MECOM: variants seen among roughly 807,000 people sequenced by gnomAD.
MECOM encodes the protein MDS1 and EVI1 complex locus, also known as histone-lysine N-methyltransferase MECOM.
Under a neutral mutation model 116.3 loss-of-function variants are expected in MECOM, and 13 were observed. The observed-to-expected ratio is 0.11, with a 90% confidence interval of 0.07 to 0.18. MECOM has a LOEUF of 0.18. Ranked by LOEUF, MECOM falls within the 10% of genes least tolerant of loss-of-function variation. The probability of loss-of-function intolerance (pLI) is 1.00; values close to 1 mark genes in which losing one functional copy is unlikely to be tolerated. For missense variants in MECOM, 1,299 were observed against 1,509.0 expected (o/e 0.86, Z 2.31); for synonymous variants, 528 against 535.2 (o/e 0.99, Z 0.19).
At chr3:169,534,033 T>C (rs1310931769) in intron 1 of MECOM, among the ~76,000 whole-genome samples, 1 of 152,174 alleles carries the variant, frequency 6.6e-6, no homozygotes, top group African/African-American at 2.4e-5. Context: ...CCAATGCAAA[T>C]CAAAAACCAA....
chr3:169,575,632 C>T (rs548125704), intron 1 of MECOM, among the ~76,000 whole-genome samples: 1 of 152,290 alleles, frequency 6.6e-6, no homozygotes, highest in South Asian at 2.1e-4. Flanking sequence ...AGGCTTTTGG[C>T]ACAAGGCAGA....
intron 2 of MECOM, among the ~76,000 whole-genome samples, chr3:169,326,938 A>T (rs1017053242): frequency 1.2e-4 from 19 of 152,326 alleles, no homozygotes; most frequent in African/African-American, 4.1e-4. Context: ...AAATTAGATG[A>T]GCTTCTGGAA....
chr3:169,529,399 A>G (rs1758323994), intron 1 of MECOM, among the ~76,000 whole-genome samples: 1 of 152,248 alleles, frequency 6.6e-6, no homozygotes, highest in South Asian at 2.1e-4. Flanking sequence ...AGCAAACTGC[A>G]TCCATGAAAA....
At chr3:169,580,009 G>A (rs76748403) in intron 1 of MECOM, among the ~76,000 whole-genome samples, 9,991 of 152,182 alleles carry the variant, frequency 0.066, 709 homozygotes, top group African/African-American at 0.18. Context: ...CCCATTGTGA[G>A]CAACTCGTCA....
At chr3:169,144,991 A>T (rs764157827) in intron 2 of MECOM, 1 of 1,562,938 alleles carries the variant, frequency 6.4e-7, no homozygotes, top group Non-Finnish European at 8.7e-7. Context: ...CAAGTCATTA[A>T]CTCACCATAT....
chr3:169,464,862 T>C (rs532548195), intron 1 of MECOM, among the ~76,000 whole-genome samples: 2 of 152,246 alleles, frequency 1.3e-5, no homozygotes, highest in South Asian at 4.1e-4. Flanking sequence ...TACTAAGAAA[T>C]TAAATTAAAC....
intron 1 of MECOM, among the ~76,000 whole-genome samples, chr3:169,567,042 C>T (rs932282789): frequency 1.3e-5 from 2 of 152,180 alleles, no homozygotes; most frequent in African/African-American, 2.4e-5. Flanking sequence ...AGTGTGTTGA[C>T]GATGGTTTAT....
At position 169,083,550 on chromosome 3, in the gene MECOM, A is replaced by G. The variant is rs1341767150; in HGVS notation, c.*1359T>C. 5.4e-6 allele frequency: 1 copy of G among 185,264 alleles called. No homozygotes were observed. Among genetic ancestry groups the G allele is most frequent in the Non-Finnish European group, 1.1e-5 (1 of 87,088 alleles). The allele number at this position is 185,264 out of a possible 1,614,324, so 11.5% of individuals were successfully genotyped here. A position where few individuals can be genotyped will look rare whatever the true frequency, so the allele number is the denominator to read the frequency against. Reference sequence around the variant, plus strand: ...ATTTTTTAGTTGCTCCTCCCATAGTAATGCACTGAAAGGCATAACAGTTTA... The same window carrying G: ...ATTTTTTAGTTGCTCCTCCCATAGTGATGCACTGAAAGGCATAACAGTTTA... On this transcript the variant is annotated 3_prime_UTR_variant, in exon 17 of 17. Transcript: ENST00000651503.
At chr3:169,200,205 T>G (rs946353374) in intron 2 of MECOM, among the ~76,000 whole-genome samples, 1 of 152,062 alleles carries the variant, frequency 6.6e-6, no homozygotes, top group African/African-American at 2.4e-5. Context: ...AAGCTATTCT[T>G]TGGTTCCCTG....
At chr3:169,370,385 TAA>T (rs1729891667) in intron 2 of MECOM, among the ~76,000 whole-genome samples, 1 of 152,072 alleles carries the variant, frequency 6.6e-6, no homozygotes, top group South Asian at 2.1e-4. Flanking sequence ...CAAAATGGAT[TAA>T]AGACTTAAAC....
chr3:169,625,817 A>G (rs1018279225), intron 1 of MECOM, among the ~76,000 whole-genome samples: 8 of 152,350 alleles, frequency 5.3e-5, no homozygotes, highest in Admixed American at 2.0e-4. Flanking sequence ...ATCTCAAGAC[A>G]ATTGACCAGC....
intron 1 of MECOM, among the ~76,000 whole-genome samples, chr3:169,594,174 A>AAAAACAAAAAAAAAAAAAAAAAAC (rs1255613781): frequency 7.9e-6 from 1 of 125,934 alleles, no homozygotes; most frequent in Non-Finnish European, 1.6e-5. Flanking sequence ...AAAAAAAAAA[A>AAAAACAAAAAAAAAAAAAAAAAAC]AACACCTTTT....
chr3:169,405,316 A>T (rs1736523580), intron 1 of MECOM, among the ~76,000 whole-genome samples: 1 of 152,044 alleles, frequency 6.6e-6, no homozygotes, highest in Admixed American at 6.5e-5. Flanking sequence ...ACTGCATAAG[A>T]TAAAGGCACA....
At chr3:169,318,644 A>C (rs1720221859) in intron 2 of MECOM, among the ~76,000 whole-genome samples, 1 of 152,204 alleles carries the variant, frequency 6.6e-6, no homozygotes, top group East Asian at 1.9e-4. Context: ...ATGTGGATAA[A>C]TAGGAATGCT....
intron 1 of MECOM, among the ~76,000 whole-genome samples, chr3:169,394,291 A>T (rs1398423862): frequency 6.6e-6 from 1 of 152,214 alleles, no homozygotes; most frequent in Non-Finnish European, 1.5e-5. Flanking sequence ...GCTGATTTCA[A>T]AGGACTTACA....
chr3:169,659,439 G>GTTTTTTTT (rs1775962837), intron 1 of MECOM, among the ~76,000 whole-genome samples: 4 of 54,070 alleles, frequency 7.4e-5, no homozygotes, highest in Admixed American at 2.2e-4. Flanking sequence ...CCTAAACACA[G>GTTTTTTTT]ATTTTTTTTT....
chr3:169,159,041 A>G (rs1577210523), intron 2 of MECOM, among the ~76,000 whole-genome samples: 1 of 152,148 alleles, frequency 6.6e-6, no homozygotes, highest in Non-Finnish European at 1.5e-5. Context: ...TGGGCTGAAC[A>G]TGGTAAACTG....
chr3:169,399,343 G>A (rs1409122752), intron 1 of MECOM, among the ~76,000 whole-genome samples: 1 of 151,986 alleles, frequency 6.6e-6, no homozygotes, highest in Non-Finnish European at 1.5e-5. Flanking sequence ...GATTTCAAAG[G>A]AAGCTCTCAT....
intron 2 of MECOM, among the ~76,000 whole-genome samples, chr3:169,321,221 T>C (rs1411558607): frequency 1.3e-5 from 2 of 152,192 alleles, no homozygotes; most frequent in African/African-American, 4.8e-5. Flanking sequence ...TGTGAAATGC[T>C]AAATGGATAG....
Sources: gnomAD v4.1 joint callset for allele counts (sites outside exome capture counted in the v4.1 genomes callset) on GRCh38, gnomAD v4.1.1 for gene constraint, MANE v1.5 for transcripts, NCBI Gene and HGNC (gene_info 2026-07-23, HGNC 2026-07-21) for gene names.